Variants in HDAC4 observed in about 807,000 individuals in gnomAD.
HDAC4 encodes the protein histone deacetylase A.
Under a neutral mutation model 135.1 loss-of-function variants are expected in HDAC4, and 16 were observed. The ratio of observed to expected loss-of-function variants is 0.12; its 90% CI spans 0.08 to 0.18. The LOEUF is 0.18. Ranked by LOEUF, HDAC4 falls within the 10% of genes least tolerant of loss-of-function variation. HDAC4 has a pLI of 1.00. For synonymous variants in HDAC4, 685 were observed against 653.4 expected, an observed-to-expected ratio of 1.05 and a Z score of -0.74; for missense variants, 1,143 against 1,511.8, an observed-to-expected ratio of 0.76 and a Z score of 4.05.
At chr2:239,193,341 G>A (rs1399581074) in intron 3 of HDAC4, among the ~76,000 whole-genome samples, 1 of 152,192 alleles carries the variant, frequency 6.6e-6, no homozygotes, top group Non-Finnish European at 1.5e-5. Flanking sequence ...CAACTTTTAA[G>A]GGATTTTTTT....
rs1559491534 is a variant in HDAC4 at position 239,134,566 on chromosome 2, G to C, written c.1056C>G (p.Pro352=). Residue 352 remains proline, a synonymous_variant, in exon 10 of 27, where the codon CCC becomes CCG. Transcript: ENST00000543185. ...PLPLYTSPSL[P]NITLGLPATG... ...TGGCAGGCAGGCCCAGCGTGATGTT[G>C]GGCAAGGATGGCGATGTGTAGAGGG... 6.2e-7 allele frequency: 1 copy of C among 1,614,198 alleles called. No homozygotes were observed. The highest frequency in any genetic ancestry group is 8.5e-7 in the Non-Finnish European group (1 of 1,180,032).
intron 1 of HDAC4, among the ~76,000 whole-genome samples, chr2:239,383,895 C>T (rs550560642): frequency 8.4e-4 from 128 of 152,238 alleles, no homozygotes; most frequent in Non-Finnish European, 1.7e-3. Context: ...ATCAGCCCCG[C>T]CAACAAGGCC....
In HDAC4 at chr2:239,240,660, C is replaced by T. The variant is rs902732854; in HGVS notation, c.23-3996G>A. Among the ~76,000 whole-genome samples, 3 of 152,172 alleles carry T rather than the reference C, an allele frequency of 2.0e-5. No individual in the cohort carries two copies. The highest frequency in any genetic ancestry group is 1.9e-4 in the East Asian group (1 of 5,188). On this transcript the variant is annotated intron_variant, in intron 2 of 26. Coordinates refer to ENST00000543185, the MANE Select transcript of HDAC4 (RefSeq NM_001378414.1). This position sits in a 1 kb window ranked among gnomAD's most constrained non-coding sequence, Gnocchi z 4.5. Reference sequence around the variant, plus strand: ...GTGTCCTCAAACAGCATTTAATCAGCGCTGGGGCTGCAGACCAGATGCACA... The same window carrying T: ...GTGTCCTCAAACAGCATTTAATCAGTGCTGGGGCTGCAGACCAGATGCACA...
At position 239,349,876 on chromosome 2, in the gene HDAC4, C is replaced by T. The variant is rs1430546479; in HGVS notation, c.22+2802G>A. Among the ~76,000 whole-genome samples the T allele has an allele frequency of 1.3e-5, 2 of 152,210 alleles. No homozygotes were observed. The highest frequency in any genetic ancestry group is 2.1e-4 in the South Asian group (1 of 4,826). On this transcript the variant is annotated intron_variant, in intron 2 of 26. Coordinates refer to ENST00000543185, the MANE Select transcript of HDAC4 (RefSeq NM_001378414.1). The surrounding 1 kb of genome is among the most constrained non-coding windows in gnomAD (Gnocchi z 5.7). ...GGCTGGGCCAAGGGGCAGCCCTGCC[C>T]TCACCAGTGCGGCCTGTCTTCAGCC...
At chr2:239,284,978 A>G (rs937048668) in intron 2 of HDAC4, among the ~76,000 whole-genome samples, 1 of 152,230 alleles carries the variant, frequency 6.6e-6, no homozygotes, top group East Asian at 1.9e-4. Flanking sequence ...GGATATTCAC[A>G]ATGAAAGGAG....
chr2:239,292,146 A>G (rs2051553482), intron 2 of HDAC4, among the ~76,000 whole-genome samples: 1 of 152,134 alleles, frequency 6.6e-6, no homozygotes, highest in Non-Finnish European at 1.5e-5. Context: ...AGGCAAGGGG[A>G]CGGCCAGGAT....
intron 8 of HDAC4, chr2:239,140,775 C>A (rs2041308357): frequency 3.2e-6 from 1 of 308,288 alleles, no homozygotes; most frequent in Non-Finnish European, 6.9e-6. Context: ...CCAAGCAGCC[C>A]CTCAACGGAG....
chr2:239,381,150 C>T (rs1695392185), intron 1 of HDAC4, among the ~76,000 whole-genome samples: 1 of 152,248 alleles, frequency 6.6e-6, no homozygotes, highest in Non-Finnish European at 1.5e-5. Context: ...AGTCACGGAG[C>T]TGCCTCCCGC....
intron 3 of HDAC4, among the ~76,000 whole-genome samples, chr2:239,235,868 C>T (rs531824525): frequency 2.0e-5 from 3 of 152,190 alleles, no homozygotes; most frequent in East Asian, 1.9e-4. Flanking sequence ...GGTAAAACCC[C>T]GTCTCTACTA....
intron 1 of HDAC4, among the ~76,000 whole-genome samples, chr2:239,369,582 A>T (rs1432881528): frequency 1.3e-5 from 2 of 152,228 alleles, no homozygotes; most frequent in Admixed American, 1.3e-4. Flanking sequence ...TTTTAAAATA[A>T]ATTAAAACTG....
At chr2:239,066,054 G>A (rs139044201) in intron 24 of HDAC4, among the ~76,000 whole-genome samples, 1,859 of 152,338 alleles carry the variant, frequency 0.012, 20 homozygotes, top group Non-Finnish European at 0.021. Context: ...ACTGGCCCAC[G>A]CCTGGTGGAG....
chr2:239,072,158 T>G (rs150090796), intron 22 of HDAC4, among the ~76,000 whole-genome samples: 2 of 152,368 alleles, frequency 1.3e-5, no homozygotes, highest in Non-Finnish European at 2.9e-5. Flanking sequence ...TTTAGCAGAA[T>G]TCACGTTGCT....
intron 17 of HDAC4, among the ~76,000 whole-genome samples, chr2:239,093,008 G>T (rs1432958545): frequency 6.6e-6 from 1 of 152,160 alleles, no homozygotes; most frequent in Non-Finnish European, 1.5e-5. Context: ...CATGCCGAGG[G>T]CTGGCAGGGC....
At chr2:239,327,035 C>T (rs963530098) in intron 2 of HDAC4, among the ~76,000 whole-genome samples, 1 of 152,250 alleles carries the variant, frequency 6.6e-6, no homozygotes, top group Admixed American at 6.5e-5. Flanking sequence ...TGGCGGTGCA[C>T]CTGTTTCTGG....
chr2:239,154,252 C>T (rs1011490204), intron 7 of HDAC4, among the ~76,000 whole-genome samples: 12 of 152,036 alleles, frequency 7.9e-5, no homozygotes, highest in Admixed American at 2.6e-4. Context: ...TTGGTGCTCT[C>T]GCTGGAAGCT....
rs972241179 is a variant in HDAC4, at chr2:239,167,424, T to TG, written c.491-3502dup. On this transcript the variant is annotated intron_variant, in intron 5 of 26. Coordinates refer to ENST00000543185, the MANE Select transcript of HDAC4 (RefSeq NM_001378414.1). The surrounding 1 kb of genome is among the most constrained non-coding windows in gnomAD (Gnocchi z 4.1). Reference sequence around the variant, plus strand: ...TGACTGGCGTTCATGCCCCATGCAGTGGGGGGCAGACATGACTGGGGTTCA... The same window carrying TG: ...TGACTGGCGTTCATGCCCCATGCAGTGGGGGGGCAGACATGACTGGGGTTCA... 9.2e-5 allele frequency among the ~76,000 whole-genome samples: 14 copies of TG among 152,028 alleles called. No individual in the cohort carries two copies. The highest frequency in any genetic ancestry group is 3.4e-4 in the African/African-American group (14 of 41,398).
At chr2:239,374,075 A>C (rs533171182) in intron 1 of HDAC4, among the ~76,000 whole-genome samples, 1 of 152,344 alleles carries the variant, frequency 6.6e-6, no homozygotes, top group African/African-American at 2.4e-5. Context: ...CCCTCTAAGG[A>C]GGGACACTGA....
chr2:239,204,719 A>G (rs746071549), intron 3 of HDAC4, among the ~76,000 whole-genome samples: 2 of 152,002 alleles, frequency 1.3e-5, no homozygotes, highest in Admixed American at 6.5e-5. Context: ...CAACAGCCAG[A>G]CCCTGGGAAT....
At chr2:239,393,423 T>C (rs1333605493) in intron 1 of HDAC4, among the ~76,000 whole-genome samples, 3 of 152,190 alleles carry the variant, frequency 2.0e-5, no homozygotes, top group Non-Finnish European at 2.9e-5. Context: ...AGGAAGTCCT[T>C]TGTGCAGACC....
Sources: gnomAD v4.1 joint callset for allele counts (sites outside exome capture counted in the v4.1 genomes callset) on GRCh38, gnomAD v4.1.1 for gene constraint, Gnocchi (gnomAD v3.1) non-coding constraint, MANE v1.5 for transcripts, NCBI Gene and HGNC (gene_info 2026-07-23, HGNC 2026-07-21) for gene names.